SEC31A: variants seen among roughly 807,000 people sequenced by gnomAD.
SEC31A encodes the protein protein transport protein Sec31A.
In SEC31A, 70 loss-of-function variants were observed where a neutral mutation model predicts 151.0. The ratio of observed to expected loss-of-function variants is 0.46; its 90% CI spans 0.38 to 0.57. The LOEUF (loss-of-function observed/expected upper bound fraction) is 0.57, where lower values mean the gene tolerates loss of function less well. SEC31A is among the 20% of genes least tolerant of loss of function. SEC31A has a pLI of 0.00. For missense variants in SEC31A, 1,330 were observed against 1,471.2 expected (o/e 0.90, Z 1.57); for synonymous variants, 475 against 505.9 (o/e 0.94, Z 0.82).
intron 22 of SEC31A, among the ~76,000 whole-genome samples, chr4:82,835,620 AC>A (rs1727027038): frequency 1.3e-5 from 2 of 152,050 alleles, no homozygotes; most frequent in South Asian, 4.2e-4. Flanking sequence ...ACATGGTGAA[AC>A]CCCGTCTCCA....
upstream of SEC31A, chr4:82,895,010 T>G (rs1242844456): frequency 1.3e-5 from 2 of 152,248 alleles, no homozygotes; most frequent in Non-Finnish European, 2.9e-5. Flanking sequence ...GCCTAATTCA[T>G]GACAGAACTA....
chr4:82,882,175 G>A (rs187808352), intron 1 of SEC31A, among the ~76,000 whole-genome samples: 19 of 152,126 alleles, frequency 1.2e-4, no homozygotes, highest in Admixed American at 5.9e-4. Context: ...AGGCCAAGGC[G>A]GGCGGATCAC....
At chr4:82,827,726 C>A in intron 23 of SEC31A, 94 bp from the exon 24 acceptor site, 1 of 1,274,092 alleles carries the variant, frequency 7.8e-7, no homozygotes, top group South Asian at 1.5e-5. Context: ...GGTTATACCA[C>A]GGCTAAACAA....
At chr4:82,820,966 T>G in intron 26 of SEC31A, 71 bp downstream of exon 26, 1 of 1,307,262 alleles carries the variant, frequency 7.6e-7, no homozygotes, top group Non-Finnish European at 1.1e-6. Context: ...ATGGGAGTGC[T>G]GATAAGACAA....
intron 21 of SEC31A, chr4:82,842,703 C>A: frequency 2.0e-6 from 1 of 499,314 alleles, no homozygotes; most frequent in Non-Finnish European, 3.5e-6. Context: ...CCCAAACTGC[C>A]TCTGGTTATG....
chr4:82,824,751 A>C, intron 24 of SEC31A, 77 bp from the exon 25 acceptor site: 1 of 1,517,984 alleles, frequency 6.6e-7, no homozygotes, highest in Non-Finnish European at 8.8e-7. Flanking sequence ...TCTATGTGAT[A>C]AACAGAAACC....
At chr4:82,841,442 T>TTTATATATATATATA (rs1281196101) in intron 22 of SEC31A, among the ~76,000 whole-genome samples, 1 of 64,460 alleles carries the variant, frequency 1.6e-5, no homozygotes, top group Non-Finnish European at 3.8e-5. Context: ...AAAAAAAATT[T>TTTATATATATATATA]TATATATATA....
intron 25 of SEC31A, among the ~76,000 whole-genome samples, chr4:82,822,475 T>C (rs1244584813): frequency 6.6e-6 from 1 of 152,028 alleles, no homozygotes; most frequent in Admixed American, 6.6e-5. Flanking sequence ...ATGCTCTTGG[T>C]GTGTTCAAGG....
chr4:82,883,976 T>C (rs2125882551), intron 1 of SEC31A, among the ~76,000 whole-genome samples: 1 of 135,082 alleles, frequency 7.4e-6, no homozygotes, highest in African/African-American at 2.7e-5. Context: ...TTGACCATTT[T>C]TCTTTTCTAT....
chr4:82,823,560 G>A (rs1358563459), intron 25 of SEC31A, among the ~76,000 whole-genome samples: 1 of 152,166 alleles, frequency 6.6e-6, no homozygotes, highest in Non-Finnish European at 1.5e-5. Context: ...GTTTTTTCAT[G>A]CAGACAAGTA....
At chr4:82,848,190 C>T (rs115820711) in intron 20 of SEC31A, among the ~76,000 whole-genome samples, 392 of 151,990 alleles carry the variant, frequency 2.6e-3, no homozygotes, top group African/African-American at 8.8e-3. Flanking sequence ...TAGTAAGAAG[C>T]CACATTTTAT....
chr4:82,833,992 T>C (rs1347973406), intron 22 of SEC31A, among the ~76,000 whole-genome samples: 3 of 152,214 alleles, frequency 2.0e-5, no homozygotes, highest in East Asian at 3.9e-4. Flanking sequence ...ATACAAGATA[T>C]AAATGCAAGC....
chr4:82,853,519 G>A (rs1731896642), intron 18 of SEC31A, 51 bp downstream of exon 18: 1 of 1,427,574 alleles, frequency 7.0e-7, no homozygotes, highest in African/African-American at 1.5e-5. Context: ...ATGATAAGTA[G>A]GGTGAAAGAC....
chr4:82,874,484 G>T, intron 6 of SEC31A, 127 bp downstream of exon 6: 1 of 882,040 alleles, frequency 1.1e-6, no homozygotes, highest in South Asian at 2.0e-5. Context: ...CTTCTAACAT[G>T]ACTGATTAAT....
intron 20 of SEC31A, chr4:82,845,256 T>C (rs1443248342): frequency 2.0e-6 from 3 of 1,534,320 alleles, no homozygotes; most frequent in African/African-American, 1.4e-5. Flanking sequence ...AGTAGGAGTT[T>C]TGTTACTCCA....
intron 14 of SEC31A, among the ~76,000 whole-genome samples, chr4:82,860,812 C>G (rs2149472162): frequency 6.6e-6 from 1 of 152,156 alleles, no homozygotes; most frequent in African/African-American, 2.4e-5. Context: ...TTATCCATAT[C>G]CTTTATTCCC....
In SEC31A at chr4:82,841,442, TTATATATATATA is replaced by T. The variant is rs58373170; in HGVS notation, c.2968+686_2968+697del. 3.7e-4 allele frequency among the ~76,000 whole-genome samples: 24 copies of T among 64,456 alleles called. No homozygotes were observed. In the South Asian group the frequency reaches 4.8e-3, roughly 13 times the overall value. The allele number at this position is 64,456 out of a possible 152,430, so 42.3% of individuals were successfully genotyped here. On this transcript the variant is annotated intron_variant, in intron 22 of 26. Coordinates refer to ENST00000395310, the MANE Select transcript of SEC31A (RefSeq NM_001077207.4). ...CATCTCAAAAAAGAAAAAAAAAATT[TTATATATATATA>T]TATATATATATATACACACACACTA...
intron 8 of SEC31A, among the ~76,000 whole-genome samples, chr4:82,867,922 C>T (rs528730432): frequency 5.3e-5 from 8 of 152,200 alleles, no homozygotes; most frequent in Admixed American, 1.3e-4. Flanking sequence ...CGTGAGCCAC[C>T]GCACCCGGCC....
At chr4:82,845,491 C>T (rs1455882941) in intron 20 of SEC31A, among the ~76,000 whole-genome samples, 1 of 151,824 alleles carries the variant, frequency 6.6e-6, no homozygotes, top group African/African-American at 2.4e-5. Flanking sequence ...ACAACAAAAA[C>T]CACACAATCA....
Sources: allele counts gnomAD v4.1 joint callset (sites outside exome capture counted in the v4.1 genomes callset), GRCh38; gene constraint gnomAD v4.1.1; transcripts MANE v1.5; gene names NCBI Gene and HGNC (gene_info 2026-07-23, HGNC 2026-07-21).